The following UNC5B variants were observed in gnomAD, a reference collection of about 807,000 sequenced individuals.
UNC5B encodes unc-5 netrin receptor B.
In UNC5B, 56 loss-of-function variants were observed where a neutral mutation model predicts 103.7. The ratio of observed to expected loss-of-function variants is 0.54; its 90% CI spans 0.44 to 0.67. The LOEUF (loss-of-function observed/expected upper bound fraction) is 0.67. Among genes scored for constraint, UNC5B ranks in the 30% least tolerant of loss-of-function variants. The pLI, the probability that UNC5B is intolerant of heterozygous loss-of-function variation, is 0.00. For missense variants in UNC5B, 1,194 were observed against 1,284.5 expected (o/e 0.93, Z 1.08); for synonymous variants, 577 against 542.0 (o/e 1.06, Z -0.90).
chr10:71,256,514 T>C (rs548074560), intron 1 of UNC5B, among the ~76,000 whole-genome samples: 1 of 152,230 alleles, frequency 6.6e-6, no homozygotes. Flanking sequence ...AGGGCAAGGA[T>C]AGGTTCGGGA....
intron 1 of UNC5B, among the ~76,000 whole-genome samples, chr10:71,216,238 A>G (rs1246121048): frequency 6.6e-6 from 1 of 152,188 alleles, no homozygotes; most frequent in African/African-American, 2.4e-5. Flanking sequence ...GAGACCCACC[A>G]TCATGGGTGT....
rs58235566 is a variant in UNC5B, at chr10:71,213,728, A to AGTGTGTGTGTGTGTGTGTGTGTGTGTGT, written c.79+671_79+698dup. On this transcript the variant is annotated intron_variant, in intron 1 of 16. Coordinates refer to ENST00000335350, the MANE Select transcript of UNC5B (RefSeq NM_170744.5). This position sits in a 1 kb window ranked among gnomAD's most constrained non-coding sequence, Gnocchi z 4.1. ...ATTATTAATTTTCTGAGTGTTGGAG[A>AGTGTGTGTGTGTGTGTGTGTGTGTGTGT]GTGTGTGTGTGTGTGTGTGTGTGTG... Among the ~76,000 whole-genome samples the AGTGTGTGTGTGTGTGTGTGTGTGTGTGT allele has an allele frequency of 1.1e-4, 14 of 131,466 alleles. No individual in the cohort carries two copies. Among genetic ancestry groups the AGTGTGTGTGTGTGTGTGTGTGTGTGTGT allele is most frequent in the African/African-American group, 3.8e-4 (13 of 34,252 alleles). 86.2% of individuals were successfully genotyped at this position (131,466 alleles called of 152,430 possible). A position where few individuals can be genotyped will look rare whatever the true frequency, so the allele number is the denominator to read the frequency against.
Position 71,293,510 on chromosome 10 carries a change from C to A in UNC5B, c.1878C>A (p.Ala626=). The change falls in exon 12 of 17, where the codon GCC becomes GCA. Residue 626 remains alanine (A), a synonymous_variant. Coordinates refer to ENST00000335350, the MANE Select transcript of UNC5B (RefSeq NM_170744.5). ...TCATCCTCACCATGCCCCACTGTGC[C>A]GAAGTCAGTGCCCGTGACTGGATCT... The part of the protein sequence containing the change: ...RPVILTMPHC[A]EVSARDWIFQ... 1.2e-6 allele frequency: 2 copies of A among 1,614,036 alleles called. No homozygotes were observed. The highest frequency in any genetic ancestry group is 1.7e-6 in the Non-Finnish European group (2 of 1,180,030).
intron 1 of UNC5B, among the ~76,000 whole-genome samples, chr10:71,275,714 T>C (rs921892923): frequency 6.6e-6 from 1 of 152,046 alleles, no homozygotes; most frequent in African/African-American, 2.4e-5. Flanking sequence ...ACTCATAGGC[T>C]TGTGGTTCCC....
At chr10:71,272,045 G>T (rs916528953) in intron 1 of UNC5B, among the ~76,000 whole-genome samples, 3 of 152,186 alleles carry the variant, frequency 2.0e-5, no homozygotes, top group Admixed American at 6.5e-5. Flanking sequence ...TGTGTCCAGG[G>T]AGGGGTCCTT....
chr10:71,274,187 C>T (rs984949455), intron 1 of UNC5B, among the ~76,000 whole-genome samples: 7 of 151,670 alleles, frequency 4.6e-5, no homozygotes, highest in South Asian at 2.1e-4. Flanking sequence ...ATAGTGAAAC[C>T]CTGTCTCTAC....
chr10:71,290,810 G>A (rs1439049307), intron 8 of UNC5B, 105 bp from the exon 9 acceptor site: 16 of 1,366,866 alleles, frequency 1.2e-5, no homozygotes, highest in East Asian at 2.4e-5. Flanking sequence ...CTCAGCACCG[G>A]GCCGGTTGGC....
At chr10:71,275,681 T>C (rs887695556) in intron 1 of UNC5B, among the ~76,000 whole-genome samples, 1 of 152,172 alleles carries the variant, frequency 6.6e-6, no homozygotes, top group South Asian at 2.1e-4. Flanking sequence ...TCATCTGCAC[T>C]GTGGGGATAA....
At chr10:71,244,070 A>G (rs915602552) in intron 1 of UNC5B, among the ~76,000 whole-genome samples, 1 of 152,232 alleles carries the variant, frequency 6.6e-6, no homozygotes, top group Non-Finnish European at 1.5e-5. Flanking sequence ...CCATTTATTT[A>G]GCCATCACCT....
chr10:71,275,821 G>A (rs1844757123), intron 1 of UNC5B, among the ~76,000 whole-genome samples: 1 of 151,902 alleles, frequency 6.6e-6, no homozygotes, highest in Non-Finnish European at 1.5e-5. Context: ...CTAGATAGCT[G>A]TCAGACACTG....
At chr10:71,285,582 C>T (rs1308876344) in intron 4 of UNC5B, among the ~76,000 whole-genome samples, 153 bp downstream of exon 4, 2 of 152,226 alleles carry the variant, frequency 1.3e-5, no homozygotes, top group Admixed American at 1.3e-4. Flanking sequence ...GAGAAGAGAA[C>T]TGTTACCTCT....
At chr10:71,234,095 A>G (rs1843730721) in intron 1 of UNC5B, among the ~76,000 whole-genome samples, 1 of 152,236 alleles carries the variant, frequency 6.6e-6, no homozygotes, top group African/African-American at 2.4e-5. Context: ...GTGAAGTTAC[A>G]AAATGTTAGC....
rs929113195 is a variant in UNC5B at position 71,284,978 on chromosome 10, C to G, written c.448+115C>G. 7.0e-6 allele frequency: 10 copies of G among 1,438,846 alleles called. No individual in the cohort carries two copies. The African/African-American group carries it at 1.3e-4, about 18-fold the overall frequency. The allele number at this position is 1,438,846 out of a possible 1,614,324, so 89.1% of individuals were successfully genotyped here. ...CCTCCAGCATCCCTGGCTGAGGATG[C>G]CCACGGCAGAGACATCCCAGCACAT... On this transcript the variant is annotated intron_variant, in intron 3 of 16. Transcript: ENST00000335350.
rs1350608644 is a variant in UNC5B, at chr10:71,299,324, A to T, written c.*47A>T. The T allele has an allele frequency of 1.2e-6, 2 of 1,606,056 alleles. No individual in the cohort carries two copies. The highest frequency in any genetic ancestry group is 1.9e-4 in the Middle Eastern group (1 of 5,208). ...GCAGGGACTGGCAGGAGGCAGGTGCAGGGAGGCCTGGGGCAGCCTCCTGAT... is the reference window on the plus strand; with the variant it reads ...GCAGGGACTGGCAGGAGGCAGGTGCTGGGAGGCCTGGGGCAGCCTCCTGAT... On this transcript the variant is annotated 3_prime_UTR_variant, in exon 17 of 17. Transcript: ENST00000335350.
chr10:71,279,319 G>A (rs939036351), intron 1 of UNC5B, among the ~76,000 whole-genome samples: 3 of 152,166 alleles, frequency 2.0e-5, no homozygotes, highest in African/African-American at 4.8e-5. Flanking sequence ...CCTGGCTCCT[G>A]TCCCGCTTGC....
chr10:71,266,449 G>A (rs373952388), intron 1 of UNC5B, among the ~76,000 whole-genome samples: 148 of 152,270 alleles, frequency 9.7e-4, no homozygotes, highest in African/African-American at 2.7e-3. Context: ...CATGGGGAGC[G>A]GGCCGAGCCC....
At chr10:71,246,414 G>T (rs557496236) in intron 1 of UNC5B, among the ~76,000 whole-genome samples, 14 of 152,182 alleles carry the variant, frequency 9.2e-5, no homozygotes, top group African/African-American at 2.9e-4. Flanking sequence ...TGGTAGGGGA[G>T]CCCACCTGAG....
chr10:71,214,398 T>C (rs1293830188), intron 1 of UNC5B, among the ~76,000 whole-genome samples: 2 of 152,056 alleles, frequency 1.3e-5, no homozygotes, highest in Non-Finnish European at 2.9e-5. Flanking sequence ...ACTCAACCAT[T>C]TGATCCAAGT....
At chr10:71,246,930 CACACTCCCTTGCCCACTCCCTG>C (rs1315260188) in intron 1 of UNC5B, among the ~76,000 whole-genome samples, 1 of 152,150 alleles carries the variant, frequency 6.6e-6, no homozygotes, top group Non-Finnish European at 1.5e-5. Flanking sequence ...CTGAGTCATT[CACACTCCCTTGCCCACTCCCTG>C]TGTGACCAGA....
Sources: gnomAD v4.1 joint callset for allele counts (sites outside exome capture counted in the v4.1 genomes callset) on GRCh38, gnomAD v4.1.1 for gene constraint, Gnocchi (gnomAD v3.1) non-coding constraint, MANE v1.5 for transcripts, NCBI Gene and HGNC (gene_info 2026-07-23, HGNC 2026-07-21) for gene names.